Variants in ABCB1 observed in about 807,000 individuals in gnomAD.
The protein encoded by ABCB1 is ATP binding cassette subfamily B member 1.
A neutral mutation model predicts 142.0 loss-of-function variants in ABCB1; 69 were observed. The ratio of observed to expected loss-of-function variants is 0.49; its 90% confidence interval spans 0.40 to 0.59. The LOEUF is 0.59. ABCB1 is among the 20% of genes least tolerant of loss of function. The pLI, the probability that ABCB1 is intolerant of heterozygous loss-of-function variation, is 0.00. For missense variants in ABCB1, 1,326 were observed against 1,554.7 expected (o/e 0.85, Z 2.47); for synonymous variants, 532 against 539.2 (o/e 0.99, Z 0.18).
chr7:87,505,669 G>T (rs1199935096), intron 27 of ABCB1, among the ~76,000 whole-genome samples: 1 of 152,162 alleles, frequency 6.6e-6, no homozygotes, highest in Non-Finnish European at 1.5e-5. Context: ...TTAGGTCAAC[G>T]CAAACTGATC....
intron 21 of ABCB1, among the ~76,000 whole-genome samples, chr7:87,528,293 T>C (rs1465754685): frequency 6.6e-6 from 1 of 152,200 alleles, no homozygotes; most frequent in East Asian, 1.9e-4. Flanking sequence ...AGTGTTTGTG[T>C]GCATAAAATT....
chr7:87,518,451 AATC>A (rs1279503776), intron 23 of ABCB1, among the ~76,000 whole-genome samples: 1 of 152,184 alleles, frequency 6.6e-6, no homozygotes, highest in Non-Finnish European at 1.5e-5. Context: ...TCTAGGCCAT[AATC>A]ACAAATAGCA....
chr7:87,528,923 A>T (rs1815914426), intron 21 of ABCB1, among the ~76,000 whole-genome samples: 1 of 152,200 alleles, frequency 6.6e-6, no homozygotes. Context: ...CCACTGGGCC[A>T]GGGCACACAG....
chr7:87,614,272 C>T (rs1431934416), intron 1 of ABCB1, among the ~76,000 whole-genome samples: 3 of 152,082 alleles, frequency 2.0e-5, no homozygotes, highest in African/African-American at 7.2e-5. Context: ...TGGCATGCAC[C>T]TGTATTCTTA....
At chr7:87,647,097 T>G (rs1253040155) in intron 1 of ABCB1, among the ~76,000 whole-genome samples, 2 of 152,168 alleles carry the variant, frequency 1.3e-5, no homozygotes, top group Non-Finnish European at 2.9e-5. Flanking sequence ...TTTTCCATTA[T>G]CCCATATATA....
chr7:87,701,073 AT>A (rs1452375909), intron 1 of ABCB1, among the ~76,000 whole-genome samples: 1 of 152,250 alleles, frequency 6.6e-6, no homozygotes, highest in Non-Finnish European at 1.5e-5. Flanking sequence ...ATCCTGAGTA[AT>A]AAAATGGGAA....
In ABCB1 at chr7:87,504,669, G is replaced by T. The variant is rs549748039; in HGVS notation, c.3637-220C>A. ...AAATACAAAAAATTAGCTGGGCTTGGTGGTGGGTGCCTGTAGTCCCAGCTA... is the reference window on the plus strand; with the variant it reads ...AAATACAAAAAATTAGCTGGGCTTGTTGGTGGGTGCCTGTAGTCCCAGCTA... On this transcript the variant is annotated intron_variant, in intron 27 of 27. Coordinates refer to ENST00000622132, the MANE Select transcript of ABCB1 (RefSeq NM_001348946.2). Among the ~76,000 whole-genome samples, 510 of 152,184 alleles carry T rather than the reference G, an allele frequency of 3.4e-3. 1 individual carries two copies. The highest frequency in any genetic ancestry group is 6.0e-3 in the Non-Finnish European group (405 of 67,998).
At chr7:87,628,657 C>G in intron 1 of ABCB1, 2 of 399,916 alleles carry the variant, frequency 5.0e-6, no homozygotes, top group Non-Finnish European at 8.6e-6. Context: ...GCCGTCAGTC[C>G]CCGGGTGCGA....
At chr7:87,606,800 C>T (rs1819671375) in intron 1 of ABCB1, among the ~76,000 whole-genome samples, 1 of 151,776 alleles carries the variant, frequency 6.6e-6, no homozygotes, top group Non-Finnish European at 1.5e-5. Context: ...GAGAAATTTC[C>T]TATATTAAAA....
chr7:87,521,571 A>G lies in ABCB1; in HGVS notation c.2686-695T>C, dbSNP rs1164086177. 5.3e-6 allele frequency: 4 copies of G among 756,132 alleles called. No individual in the cohort carries two copies. In the East Asian group the frequency reaches 7.4e-5, roughly 14 times the overall value. 46.8% of individuals were successfully genotyped at this position (756,132 alleles called of 1,614,324 possible). On this transcript the variant is annotated intron_variant, in intron 21 of 27. Coordinates refer to ENST00000622132, the MANE Select transcript of ABCB1 (RefSeq NM_001348946.2). ...AGAGCCTGAGGAGCCATTTTGAGCAATGGGGAATGCTCATGGATTGCGTGG... is the reference window on the plus strand; with the variant it reads ...AGAGCCTGAGGAGCCATTTTGAGCAGTGGGGAATGCTCATGGATTGCGTGG...
intron 21 of ABCB1, chr7:87,522,335 T>C (rs1360346992): frequency 1.3e-6 from 1 of 743,418 alleles, no homozygotes; most frequent in Non-Finnish European, 2.5e-6. Context: ...TACAGGCCAG[T>C]ACTTTGCCAA....
intron 4 of ABCB1, among the ~76,000 whole-genome samples, chr7:87,575,714 G>A (rs932429125): frequency 6.6e-6 from 1 of 152,184 alleles, no homozygotes; most frequent in Non-Finnish European, 1.5e-5. Flanking sequence ...GCTTACTGCA[G>A]GTGACAGAGA....
intron 1 of ABCB1, among the ~76,000 whole-genome samples, chr7:87,707,086 G>A (rs1210738366): frequency 6.6e-6 from 1 of 152,078 alleles, no homozygotes; most frequent in Non-Finnish European, 1.5e-5. Flanking sequence ...ATTGTGAGGT[G>A]ATTTTCTAGT....
At chr7:87,611,439 G>A (rs145830193) in intron 1 of ABCB1, among the ~76,000 whole-genome samples, 1 of 151,994 alleles carries the variant, frequency 6.6e-6, no homozygotes, top group African/African-American at 2.4e-5. Context: ...AAGACCCAGG[G>A]TTTAGCTCCA....
chr7:87,564,386 G>T (rs552702950), intron 7 of ABCB1, among the ~76,000 whole-genome samples: 1 of 152,170 alleles, frequency 6.6e-6, no homozygotes, highest in South Asian at 2.1e-4. Context: ...GGGAGTGAAA[G>T]TGGTTTTTCA....
intron 26 of ABCB1, 158 bp from the exon 27 acceptor site, chr7:87,506,201 G>T: frequency 1.4e-6 from 1 of 694,230 alleles, no homozygotes; most frequent in Non-Finnish European, 2.4e-6. Context: ...CAGTAAAAAA[G>T]CCCAAAATGG....
intron 1 of ABCB1, chr7:87,693,892 T>C: frequency 6.2e-7 from 1 of 1,604,162 alleles, no homozygotes; most frequent in Non-Finnish European, 8.5e-7. Context: ...TTGTTGTTGT[T>C]ATTTTTTTTT....
chr7:87,666,177 C>T (rs1203599022), intron 1 of ABCB1, among the ~76,000 whole-genome samples: 1 of 152,108 alleles, frequency 6.6e-6, no homozygotes, highest in Non-Finnish European at 1.5e-5. Flanking sequence ...TAGTAATAGC[C>T]ATTCTGACTG....
At chr7:87,514,477 A>G (rs763549582) in intron 25 of ABCB1, among the ~76,000 whole-genome samples, 6 of 152,076 alleles carry the variant, frequency 3.9e-5, no homozygotes, top group Non-Finnish European at 7.4e-5. Context: ...TGTTCTTTTT[A>G]CATTTCCCAA....
Sources: gnomAD v4.1 joint callset for allele counts (sites outside exome capture counted in the v4.1 genomes callset) on GRCh38, gnomAD v4.1.1 for gene constraint, MANE v1.5 for transcripts, NCBI Gene and HGNC (gene_info 2026-07-23, HGNC 2026-07-21) for gene names.